The following SEMA3B variants were observed in gnomAD, a reference collection of about 807,000 sequenced individuals.
The protein encoded by SEMA3B is semaphorin 3B.
A neutral mutation model predicts 77.8 loss-of-function variants in SEMA3B; 71 were observed. That is an observed-to-expected ratio of 0.91 (90% CI 0.75 to 1.11). The LOEUF is 1.11. SEMA3B is among the 50% of genes most tolerant of loss of function. SEMA3B has a pLI of 0.00. For missense variants in SEMA3B, 968 were observed against 1,056.8 expected (o/e 0.92, Z 1.17); for synonymous variants, 470 against 452.9 (o/e 1.04, Z -0.48).
the SEMA3B span, chr3:50,261,038 C>T: frequency 6.6e-6 from 1 of 152,280 alleles, no homozygotes; most frequent in Non-Finnish European, 1.5e-5. Context: ...GTGTCCTGCA[C>T]CCCAACTGAA....
chr3:50,276,537 A>G lies in SEMA3B; in HGVS notation c.2081A>G (p.Gln694Arg). Residue 694 changes from glutamine to arginine, a missense_variant, in exon 17 of 17, where the codon CAG becomes CGG. By Grantham distance (43) the Gln-to-Arg change is conservative. Coordinates refer to ENST00000616701, the MANE Select transcript of SEMA3B (RefSeq NM_001290060.2). This position sits in a 1 kb window ranked among gnomAD's most constrained non-coding sequence, Gnocchi z 5.8. ...AAACTCTGGTACCGGGACTTTCTGC[A>G]GCTGGTGGAGCCGGGCGGAGGTGGC... ...GPKLWYRDFL[Q>R]LVEPGGGGSA... is the part of the protein sequence containing the mutation. The G allele has an allele frequency of 6.5e-7, 1 of 1,535,592 alleles. No homozygotes were observed. Among genetic ancestry groups the G allele is most frequent in the Admixed American group, 2.0e-5 (1 of 50,846 alleles).
chr3:50,273,758 G>T lies in SEMA3B; in HGVS notation c.923-1G>T. The T allele has an allele frequency of 6.2e-7, 1 of 1,603,232 alleles. No homozygotes were observed. ...ACCCCAGCTAGGCCCCTTCCCCGCAGAGGATGTGTTTCTGTTGTCCTCGCG... is the reference window on the plus strand; with the variant it reads ...ACCCCAGCTAGGCCCCTTCCCCGCATAGGATGTGTTTCTGTTGTCCTCGCG... On this transcript the variant is annotated splice_acceptor_variant, in intron 8 of 16. Transcript: ENST00000616701. LOFTEE classifies it high-confidence loss of function. This position sits in a 1 kb window ranked among gnomAD's most constrained non-coding sequence, Gnocchi z 6.5.
chr3:50,275,489 A>C lies in SEMA3B; in HGVS notation c.1649+30A>C. On this transcript the variant is annotated intron_variant, in intron 14 of 16. Transcript: ENST00000616701. This position sits in a 1 kb window ranked among gnomAD's most constrained non-coding sequence, Gnocchi z 7.5. The stretch of plus-strand genomic sequence containing the variant: ...GCGGGGTCGGGGTTGGGCCGCCGGG[A>C]GGGAGGCGAAGGGTCTTTCACTGCC... 1 of 1,606,640 alleles carries C rather than the reference A, an allele frequency of 6.2e-7. No individual in the cohort carries two copies. Among genetic ancestry groups the C allele is most frequent in the South Asian group, 1.1e-5 (1 of 90,932 alleles).
At position 50,273,710 on chromosome 3, in the gene SEMA3B, G is replaced by A. The variant is rs370179865; in HGVS notation, c.923-49G>A. ...AGCGGCGCAGACTCCGGGAGCCCCC[G>A]CCGCAGCGGGGCTGTGCGCCCTACC... On this transcript the variant is annotated intron_variant, in intron 8 of 16. Coordinates refer to ENST00000616701, the MANE Select transcript of SEMA3B (RefSeq NM_001290060.2). The surrounding 1 kb of genome is among the most constrained non-coding windows in gnomAD (Gnocchi z 6.5). 150 of 1,603,056 alleles carry A rather than the reference G, an allele frequency of 9.4e-5. 1 individual carries two copies. The African/African-American group carries it at 1.8e-3, about 19-fold the overall frequency.
chr3:50,268,615 C>T (rs1382331901), upstream of SEMA3B, among the ~76,000 whole-genome samples: 1 of 152,240 alleles, frequency 6.6e-6, no homozygotes, highest in Non-Finnish European at 1.5e-5. Flanking sequence ...CACTCGGAAA[C>T]ACATTCACAG....
rs1421348874 is a variant in SEMA3B, at chr3:50,275,919, A to G, written c.1845+75A>G. 4 of 1,485,512 alleles carry G rather than the reference A, an allele frequency of 2.7e-6. No individual in the cohort carries two copies. The highest frequency in any genetic ancestry group is 2.8e-5 in the African/African-American group (2 of 71,336). 92.0% of individuals were successfully genotyped at this position (1,485,512 alleles called of 1,614,324 possible). A position where few individuals can be genotyped will look rare whatever the true frequency, so the allele number is the denominator to read the frequency against. On this transcript the variant is annotated intron_variant, in intron 16 of 16. Transcript: ENST00000616701. The surrounding 1 kb of genome is among the most constrained non-coding windows in gnomAD (Gnocchi z 7.5). The stretch of plus-strand genomic sequence containing the variant: ...TCCAGGAGAGGCCCCGCCCTACCCA[A>G]CGAAGCCCCGTCCAACCAGACCCAC...
chr3:50,272,586 C>G (rs944567422), intron 6 of SEMA3B, among the ~76,000 whole-genome samples: 13 of 152,012 alleles, frequency 8.6e-5, no homozygotes, highest in Non-Finnish European at 1.5e-4. Flanking sequence ...TGGTGTGCAT[C>G]TGTAATCCCA....
chr3:50,269,273 G>A lies in SEMA3B; in HGVS notation c.33G>A (p.Pro11=), dbSNP rs1700979172. 4 of 1,538,154 alleles carry A rather than the reference G, an allele frequency of 2.6e-6. No homozygotes were observed. Among genetic ancestry groups the A allele is most frequent in the Non-Finnish European group, 3.5e-6 (4 of 1,146,670 alleles). ...GGGCCGGGGCTGCCGCCGTGATCCC[G>A]GGCCTGGCCCTGCTCTGGGCAGTGG... MGRAGAAAVI[P]GLALLWAVGL... Residue 11 remains proline, a synonymous_variant, in exon 1 of 17, where the codon CCG becomes CCA. Coordinates refer to ENST00000616701, the MANE Select transcript of SEMA3B (RefSeq NM_001290060.2). The surrounding 1 kb of genome is among the most constrained non-coding windows in gnomAD (Gnocchi z 4.0).
upstream of SEMA3B, chr3:50,268,923 G>T (rs1343932043): frequency 1.1e-5 from 5 of 440,618 alleles, no homozygotes; most frequent in Non-Finnish European, 2.1e-5. Flanking sequence ...TACAAGAGAG[G>T]AGATTACTGG....
At position 50,271,124 on chromosome 3, in the gene SEMA3B, G is replaced by C. The variant is rs1240985990; in HGVS notation, c.487G>C (p.Asp163His). 1.9e-6 allele frequency: 3 copies of C among 1,585,252 alleles called. No individual in the cohort carries two copies. Among genetic ancestry groups the C allele is most frequent in the Admixed American group, 3.6e-5 (2 of 55,116 alleles). The change falls in exon 5 of 17, where the codon GAT becomes CAT. Residue 163 changes from aspartate (D) to histidine (H), a missense_variant. By Grantham distance (81) the Asp-to-His change is moderately conservative. Coordinates refer to ENST00000616701, the MANE Select transcript of SEMA3B (RefSeq NM_001290060.2). ...VLRLDPGRIEDGKGKSPYDPR... is the reference protein window; with the variant it reads ...VLRLDPGRIEHGKGKSPYDPR... ...CCGGCTGGACCCAGGAAGGATAGAG[G>C]ATGGCAAGGGGAAGAGTCCTTATGA...
the SEMA3B span, chr3:50,260,244 G>C: frequency 1.3e-5 from 2 of 152,200 alleles, no homozygotes; most frequent in Non-Finnish European, 2.9e-5. Context: ...GCAGCTTTGT[G>C]AGGCGGCGAC....
chr3:50,270,277 C>A lies in SEMA3B; in HGVS notation c.260C>A (p.Ala87Asp). The A allele has an allele frequency of 6.2e-7, 1 of 1,613,278 alleles. No homozygotes were observed. Among genetic ancestry groups the A allele is most frequent in the Non-Finnish European group, 8.5e-7 (1 of 1,179,582 alleles). Residue 87 changes from alanine (A) to aspartate (D), a missense_variant, in exon 2 of 17, where the codon GCC becomes GAC. Ala to Asp is a moderately radical substitution (Grantham distance 126). Transcript: ENST00000616701. The surrounding 1 kb of genome is among the most constrained non-coding windows in gnomAD (Gnocchi z 4.7). ...SLNLDNISKR[A>D]KKLAWPAPVE... ...AACCTGGACAACATCAGCAAGCGGGCCAAGAAGGTGCCAGGGACTCCCAAC... is the reference window on the plus strand; with the variant it reads ...AACCTGGACAACATCAGCAAGCGGGACAAGAAGGTGCCAGGGACTCCCAAC...
At position 50,275,397 on chromosome 3, in the gene SEMA3B, G is replaced by C. The variant is rs782370338; in HGVS notation, c.1587G>C (p.Ala529=). 1.9e-6 allele frequency: 3 copies of C among 1,595,004 alleles called. No individual in the cohort carries two copies. The highest frequency in any genetic ancestry group is 2.6e-6 in the Non-Finnish European group (3 of 1,171,542). ...GCGTCTGCACCGAATGCTGTCTGGCGCGTGACCCCTACTGCGCCTGGGACG... is the reference window on the plus strand; with the variant it reads ...GCGTCTGCACCGAATGCTGTCTGGCCCGTGACCCCTACTGCGCCTGGGACG... ...HGRVCTECCL[A]RDPYCAWDGV... The change falls in exon 14 of 17, where the codon GCG becomes GCC. Residue 529 remains alanine, a synonymous_variant. Coordinates refer to ENST00000616701, the MANE Select transcript of SEMA3B (RefSeq NM_001290060.2). This position sits in a 1 kb window ranked among gnomAD's most constrained non-coding sequence, Gnocchi z 7.5.
intron 6 of SEMA3B, among the ~76,000 whole-genome samples, chr3:50,272,578 G>A (rs1701081200): frequency 6.6e-6 from 1 of 152,120 alleles, no homozygotes; most frequent in Non-Finnish European, 1.5e-5. Context: ...CGGCATGATG[G>A]TGTGCATCTG....
At chr3:50,269,136 C>T (rs782355989), upstream of SEMA3B, 13 of 822,566 alleles carry the variant, frequency 1.6e-5, no homozygotes, top group Non-Finnish European at 2.6e-5. The surrounding 1 kb of genome is among the most constrained non-coding windows in gnomAD (Gnocchi z 4.0). Context: ...CCCGCCCTCG[C>T]CCTCACTGCT....
At position 50,270,538 on chromosome 3, in the gene SEMA3B, C is replaced by T; in HGVS notation, c.330+43C>T. 6.2e-7 allele frequency: 1 copy of T among 1,612,078 alleles called. No homozygotes were observed. The highest frequency in any genetic ancestry group is 8.5e-7 in the Non-Finnish European group (1 of 1,179,310). ...GGGCCGGGAGTGGGGAGGGTCAGCC[C>T]CTCACCCCAGAGACAGGGCAGGGCT... On this transcript the variant is annotated intron_variant, in intron 3 of 16. Transcript: ENST00000616701. The surrounding 1 kb of genome is among the most constrained non-coding windows in gnomAD (Gnocchi z 4.7).
the SEMA3B span, chr3:50,261,945 C>G: frequency 6.6e-6 from 1 of 152,302 alleles, no homozygotes; most frequent in African/African-American, 2.4e-5. Context: ...TGGCTGAGTT[C>G]TGGGTCTGGC....
At chr3:50,271,047 G>C in intron 4 of SEMA3B, 38 bp downstream of exon 4, 1 of 1,580,200 alleles carries the variant, frequency 6.3e-7, no homozygotes, top group Non-Finnish European at 8.6e-7. Context: ...GGTCAGGAGG[G>C]TAAGAAGGGC....
rs1553706036 is a variant in SEMA3B, at chr3:50,274,053, G to A, written c.1133G>A (p.Gly378Asp). 1.2e-6 allele frequency: 2 copies of A among 1,613,246 alleles called. No homozygotes were observed. Among genetic ancestry groups the A allele is most frequent in the South Asian group, 1.1e-5 (1 of 91,042 alleles). Reference sequence around the variant, plus strand: ...GGTCGCGTCCCCTACCCGCGGCCAGGCATGGTTCGTAGCCCAGGGACTTCT... The same window carrying A: ...GGTCGCGTCCCCTACCCGCGGCCAGACATGGTTCGTAGCCCAGGGACTTCT... The part of the protein sequence containing the change: ...YQGRVPYPRP[G>D]MCPSKTFGTF... Residue 378 changes from glycine (G) to aspartate (D), a missense_variant, in exon 10 of 17, where the codon GGC becomes GAC. Physicochemically the swap from Gly to Asp is moderately conservative, Grantham distance 94. Coordinates refer to ENST00000616701, the MANE Select transcript of SEMA3B (RefSeq NM_001290060.2). The surrounding 1 kb of genome is among the most constrained non-coding windows in gnomAD (Gnocchi z 4.7).
Sources: allele counts gnomAD v4.1 joint callset (sites outside exome capture counted in the v4.1 genomes callset), GRCh38; gene constraint gnomAD v4.1.1; non-coding constraint Gnocchi (gnomAD v3.1); transcripts MANE v1.5; gene names NCBI Gene and HGNC (gene_info 2026-07-23, HGNC 2026-07-21).